Variants in CHN1 observed in about 807,000 individuals in gnomAD.
The protein encoded by CHN1 is chimerin 1.
A neutral mutation model predicts 59.5 loss-of-function variants in CHN1; 37 were observed. The ratio of observed to expected loss-of-function variants is 0.62; its 90% CI spans 0.48 to 0.82. The LOEUF is 0.82. CHN1 is among the 40% of genes least tolerant of loss of function. The pLI is 0.00. For missense variants in CHN1, 469 were observed against 571.0 expected (o/e 0.82, Z 1.82); for synonymous variants, 206 against 200.4 (o/e 1.03, Z -0.24).
chr2:174,883,176 G>C (rs1002647361), intron 5 of CHN1, among the ~76,000 whole-genome samples: 12 of 152,102 alleles, frequency 7.9e-5, no homozygotes, highest in Non-Finnish European at 1.6e-4. Context: ...GGATTAACTC[G>C]AAGTCCGTTT....
At chr2:174,964,245 T>C (rs1049017635) in intron 1 of CHN1, among the ~76,000 whole-genome samples, 4 of 152,100 alleles carry the variant, frequency 2.6e-5, no homozygotes, top group African/African-American at 4.8e-5. Context: ...TTCTCCCAAG[T>C]ATGGGAGATA....
intron 1 of CHN1, among the ~76,000 whole-genome samples, chr2:174,973,717 T>C (rs1225451665): frequency 2.6e-5 from 4 of 152,196 alleles, no homozygotes; most frequent in African/African-American, 9.7e-5. Flanking sequence ...CGGTGAGAAG[T>C]GTGGGCCCTG....
At chr2:175,003,162 T>C (rs983361386) in intron 1 of CHN1, among the ~76,000 whole-genome samples, 1 of 152,240 alleles carries the variant, frequency 6.6e-6, no homozygotes, top group African/African-American at 2.4e-5. Flanking sequence ...AAACAGCTGC[T>C]GCTCTATCAC....
intron 1 of CHN1, among the ~76,000 whole-genome samples, chr2:174,996,527 CCT>C (rs1266219587): frequency 6.6e-6 from 1 of 152,090 alleles, no homozygotes; most frequent in Non-Finnish European, 1.5e-5. Flanking sequence ...GGGAACAGCC[CCT>C]GATTACCTGT....
chr2:174,945,672 T>C (rs1689806485), intron 2 of CHN1, among the ~76,000 whole-genome samples: 1 of 151,954 alleles, frequency 6.6e-6, no homozygotes, highest in South Asian at 2.1e-4. Flanking sequence ...TCTTAGAGAT[T>C]TTTTTTTCTA....
At chr2:174,871,346 T>C (rs145132916) in intron 6 of CHN1, among the ~76,000 whole-genome samples, 232 of 152,086 alleles carry the variant, frequency 1.5e-3, no homozygotes, top group African/African-American at 5.1e-3. Context: ...CTGAATTCTT[T>C]AAGGGAAAAA....
rs929714361 is a variant in CHN1 at position 174,878,098 on chromosome 2, G to C, written c.291C>G (p.Leu97=). 9.6e-6 allele frequency: 15 copies of C among 1,559,934 alleles called. No homozygotes were observed. The highest frequency in any genetic ancestry group is 1.2e-5 in the Non-Finnish European group (14 of 1,147,286). Reference sequence around the variant, plus strand: ...CAACAAAGTGCTTGCCATCGTAGTAGAGCCTGAAGTTTCTGGTTTGACTTC... The same window carrying C: ...CAACAAAGTGCTTGCCATCGTAGTACAGCCTGAAGTTTCTGGTTTGACTTC... The part of the protein sequence containing the change: ...RFGSQTRNFR[L]YYDGKHFVGE... The change falls in exon 6 of 13, where the codon CTC becomes CTG. Residue 97 remains leucine (L), a synonymous_variant. Coordinates refer to ENST00000409900, the MANE Select transcript of CHN1 (RefSeq NM_001822.7).
chr2:174,997,174 C>T (rs536342237), intron 1 of CHN1, among the ~76,000 whole-genome samples: 1 of 152,236 alleles, frequency 6.6e-6, no homozygotes, highest in South Asian at 2.1e-4. Context: ...ATAGGAAAAG[C>T]CTCAAAGCTA....
intron 11 of CHN1, among the ~76,000 whole-genome samples, chr2:174,804,079 G>C (rs1684812773): frequency 6.6e-6 from 1 of 152,134 alleles, no homozygotes; most frequent in Non-Finnish European, 1.5e-5. Flanking sequence ...CACTCTATTA[G>C]AATGAGGCAA....
At chr2:174,891,516 C>A (rs1688049617) in intron 5 of CHN1, among the ~76,000 whole-genome samples, 1 of 150,914 alleles carries the variant, frequency 6.6e-6, no homozygotes, top group Non-Finnish European at 1.5e-5. Context: ...TTGCAGTGAG[C>A]CGAGATCATG....
chr2:174,898,288 A>G (rs1413122280), intron 5 of CHN1, among the ~76,000 whole-genome samples: 1 of 152,168 alleles, frequency 6.6e-6, no homozygotes. Context: ...AGAAAAACAA[A>G]CAACTATTTT....
At chr2:174,871,791 A>C (rs1028883784) in intron 6 of CHN1, among the ~76,000 whole-genome samples, 1 of 152,198 alleles carries the variant, frequency 6.6e-6, no homozygotes, top group Non-Finnish European at 1.5e-5. Flanking sequence ...GAAACATTAA[A>C]ATGTAAGTTC....
At chr2:174,922,575 T>C (rs1689045417) in intron 3 of CHN1, among the ~76,000 whole-genome samples, 1 of 152,046 alleles carries the variant, frequency 6.6e-6, no homozygotes, top group African/African-American at 2.4e-5. Context: ...CCTGTAGTCC[T>C]AGCTACTCAG....
chr2:174,965,398 T>TAAAC (rs942902311), intron 1 of CHN1, among the ~76,000 whole-genome samples: 15 of 152,182 alleles, frequency 9.9e-5, no homozygotes, highest in Admixed American at 3.3e-4. Context: ...CTTAACGTTT[T>TAAAC]ACAAGTTAAA....
chr2:174,896,278 A>G (rs993372343), intron 5 of CHN1, among the ~76,000 whole-genome samples: 10 of 152,166 alleles, frequency 6.6e-5, no homozygotes, highest in African/African-American at 2.4e-4. Flanking sequence ...TTACACTTAT[A>G]AAAGAGAAAA....
intron 1 of CHN1, among the ~76,000 whole-genome samples, chr2:174,958,103 G>A (rs1690271863): frequency 6.7e-6 from 1 of 150,030 alleles, no homozygotes; most frequent in Non-Finnish European, 1.5e-5. Context: ...TTCAAGATCA[G>A]CCTGGGCACC....
At chr2:174,961,875 T>C (rs978140138) in intron 1 of CHN1, among the ~76,000 whole-genome samples, 1 of 152,164 alleles carries the variant, frequency 6.6e-6, no homozygotes, top group Non-Finnish European at 1.5e-5. Context: ...ATTACAAAAA[T>C]AGTCTTAACT....
intron 3 of CHN1, among the ~76,000 whole-genome samples, chr2:174,918,775 CT>C (rs1215010631): frequency 6.6e-6 from 1 of 152,168 alleles, no homozygotes; most frequent in East Asian, 1.9e-4. Flanking sequence ...TTATAAAATG[CT>C]ATGTATGTAG....
At chr2:174,941,212 A>T (rs1005861064) in intron 3 of CHN1, among the ~76,000 whole-genome samples, 3 of 152,036 alleles carry the variant, frequency 2.0e-5, no homozygotes, top group African/African-American at 7.2e-5. Context: ...CTTGCTTTCC[A>T]ACACAATATG....
Sources: allele counts gnomAD v4.1 joint callset (sites outside exome capture counted in the v4.1 genomes callset), GRCh38; gene constraint gnomAD v4.1.1; transcripts MANE v1.5; gene names NCBI Gene and HGNC (gene_info 2026-07-23, HGNC 2026-07-21).